Variants in VOPP1 observed in about 807,000 individuals in gnomAD.
VOPP1 encodes WW domain binding protein VOPP1.
Under a neutral mutation model 23.5 loss-of-function variants are expected in VOPP1, and 8 were observed. That is an observed-to-expected ratio of 0.34 (90% CI 0.20 to 0.61). The LOEUF (loss-of-function observed/expected upper bound fraction) is 0.61, where lower values mean the gene tolerates loss of function less well. Ranked by LOEUF, VOPP1 falls within the 20% of genes least tolerant of loss-of-function variation. The probability of loss-of-function intolerance (pLI) is 0.78; values close to 1 mark genes in which losing one functional copy is unlikely to be tolerated. For missense variants in VOPP1, 174 were observed against 238.1 expected, an observed-to-expected ratio of 0.73 and a Z score of 1.77; for synonymous variants, 83 against 97.3, an observed-to-expected ratio of 0.85 and a Z score of 0.86.
chr7:55,557,746 C>G (rs1797857412), intron 1 of VOPP1, among the ~76,000 whole-genome samples: 6 of 152,214 alleles, frequency 3.9e-5, no homozygotes, highest in Admixed American at 3.9e-4. Context: ...TTGTAAGGAG[C>G]TGCTGCAACC....
intron 4 of VOPP1, among the ~76,000 whole-genome samples, chr7:55,442,774 G>A (rs1790998766): frequency 6.6e-6 from 1 of 152,174 alleles, no homozygotes; most frequent in South Asian, 2.1e-4. Context: ...AAGAGGCTAG[G>A]CCCAGAGAGT....
At chr7:55,520,919 AC>A (rs1250076810) in intron 2 of VOPP1, among the ~76,000 whole-genome samples, 152 bp downstream of exon 2, 1 of 152,190 alleles carries the variant, frequency 6.6e-6, no homozygotes, top group Non-Finnish European at 1.5e-5. Flanking sequence ...CGGTGAGGTC[AC>A]CTGCTCATCC....
chr7:55,512,692 C>G (rs989279563), intron 2 of VOPP1, among the ~76,000 whole-genome samples: 4 of 152,212 alleles, frequency 2.6e-5, no homozygotes, highest in African/African-American at 9.6e-5. Context: ...ATGGAGCACT[C>G]AGCTAGGGAA....
intron 3 of VOPP1, among the ~76,000 whole-genome samples, chr7:55,495,084 CTGCAG>C (rs896477386): frequency 6.6e-6 from 1 of 151,798 alleles, no homozygotes; most frequent in African/African-American, 2.4e-5. Flanking sequence ...GTTCTCAATT[CTGCAG>C]TCCCAAGGAC....
At chr7:55,561,748 C>CAAAAAA in intron 1 of VOPP1, 3 of 300,312 alleles carry the variant, frequency 1.0e-5, no homozygotes, top group South Asian at 4.6e-5. Flanking sequence ...TCCCCTCTTC[C>CAAAAAA]AAAAAAAAAA....
intron 1 of VOPP1, among the ~76,000 whole-genome samples, chr7:55,548,034 C>A (rs1163260409): frequency 6.6e-6 from 1 of 152,156 alleles, no homozygotes; most frequent in South Asian, 2.1e-4. Context: ...CACCTAAGAC[C>A]GTGACCGCAG....
intron 4 of VOPP1, among the ~76,000 whole-genome samples, chr7:55,447,707 C>T (rs1378056644): frequency 1.3e-5 from 2 of 152,080 alleles, no homozygotes; most frequent in African/African-American, 4.8e-5. Context: ...TGCAATATTT[C>T]ATATAAATTT....
chr7:55,456,421 C>G (rs1016033038), intron 4 of VOPP1, among the ~76,000 whole-genome samples: 3 of 151,964 alleles, frequency 2.0e-5, no homozygotes, highest in Non-Finnish European at 4.4e-5. Context: ...CTAGAAATAC[C>G]ATTTGACCCA....
chr7:55,441,314 C>T (rs769759721), intron 4 of VOPP1, among the ~76,000 whole-genome samples: 1 of 152,156 alleles, frequency 6.6e-6, no homozygotes, highest in Admixed American at 6.5e-5. Context: ...CCCCTCTCTC[C>T]GATTTACCTC....
intron 2 of VOPP1, among the ~76,000 whole-genome samples, chr7:55,514,044 CA>C (rs1795250012): frequency 6.6e-6 from 1 of 152,208 alleles, no homozygotes; most frequent in Admixed American, 6.5e-5. Context: ...GCCAGGCTCC[CA>C]GATCCACCCC....
In VOPP1 at chr7:55,497,639, G is replaced by C; in HGVS notation, c.165C>G (p.Leu55=). The C allele has an allele frequency of 6.2e-7, 1 of 1,613,602 alleles. No individual in the cohort carries two copies. The highest frequency in any genetic ancestry group is 8.5e-7 in the Non-Finnish European group (1 of 1,179,802). ...CCGSRCCVRA[L]SIQRLWYFWF... ...AGAAGTACCACAGCCTCTGTATGGAGAGGGCCCGCACACAGCACCTGGAGC... is the reference window on the plus strand; with the variant it reads ...AGAAGTACCACAGCCTCTGTATGGACAGGGCCCGCACACAGCACCTGGAGC... Residue 55 remains leucine (L), a synonymous_variant, in exon 3 of 5, where the codon CTC becomes CTG. Transcript: ENST00000285279.
At chr7:55,527,955 A>G (rs1015678364) in intron 1 of VOPP1, among the ~76,000 whole-genome samples, 1 of 148,784 alleles carries the variant, frequency 6.7e-6, no homozygotes, top group Non-Finnish European at 1.5e-5. Context: ...GAAAAAAAAA[A>G]TCACATAATT....
intron 1 of VOPP1, among the ~76,000 whole-genome samples, chr7:55,556,691 C>T (rs1273007564): frequency 2.0e-5 from 3 of 150,692 alleles, no homozygotes; most frequent in African/African-American, 7.3e-5. Context: ...ATCTGAGTCA[C>T]ATATGGTTAC....
chr7:55,505,406 G>GT (rs1794643624), intron 2 of VOPP1, among the ~76,000 whole-genome samples: 2 of 152,238 alleles, frequency 1.3e-5, no homozygotes, highest in South Asian at 4.1e-4. Context: ...GCACCACGAA[G>GT]TGAGTCCTGG....
chr7:55,565,497 G>A (rs1798134179), intron 1 of VOPP1, among the ~76,000 whole-genome samples: 1 of 151,986 alleles, frequency 6.6e-6, no homozygotes, highest in South Asian at 2.1e-4. Flanking sequence ...TAATCAAATC[G>A]GTCCATGGTA....
chr7:55,474,984 T>C (rs1004976337), intron 4 of VOPP1, among the ~76,000 whole-genome samples: 7 of 152,160 alleles, frequency 4.6e-5, no homozygotes, highest in Admixed American at 1.3e-4. Flanking sequence ...GGCTGTAGCC[T>C]TGGGGTTCCC....
chr7:55,534,983 A>G (rs1376492024), intron 1 of VOPP1, among the ~76,000 whole-genome samples: 1 of 152,232 alleles, frequency 6.6e-6, no homozygotes, highest in Non-Finnish European at 1.5e-5. Flanking sequence ...TGATGGGAGA[A>G]GAGGAGAACA....
At chr7:55,552,450 C>T (rs1443674028) in intron 1 of VOPP1, among the ~76,000 whole-genome samples, 6 of 152,106 alleles carry the variant, frequency 3.9e-5, no homozygotes, top group Admixed American at 2.0e-4. Flanking sequence ...TTAAGGATGC[C>T]AGCTACCCCT....
intron 4 of VOPP1, among the ~76,000 whole-genome samples, chr7:55,445,268 TAC>T (rs61302654): frequency 2.4e-5 from 3 of 126,066 alleles, no homozygotes; most frequent in African/African-American, 9.1e-5. Flanking sequence ...CACACAGACA[TAC>T]ACACACAGAC....
Sources: allele counts gnomAD v4.1 joint callset (sites outside exome capture counted in the v4.1 genomes callset), GRCh38; gene constraint gnomAD v4.1.1; transcripts MANE v1.5; gene names NCBI Gene and HGNC (gene_info 2026-07-23, HGNC 2026-07-21).